The following PITPNA variants were observed in gnomAD, a reference collection of about 807,000 sequenced individuals.
PITPNA encodes the protein phosphatidylinositol transfer protein alpha, also known as phosphatidylinositol transfer protein alpha isoform.
In PITPNA, 13 loss-of-function variants were observed where a neutral mutation model predicts 50.3. That is an observed-to-expected ratio of 0.26 (90% CI 0.17 to 0.41). PITPNA has a LOEUF of 0.41. Ranked by LOEUF, PITPNA falls within the 10% of genes least tolerant of loss-of-function variation. The pLI is 1.00. For missense variants in PITPNA, 207 were observed against 333.4 expected, an observed-to-expected ratio of 0.62 and a Z score of 2.95; for synonymous variants, 120 against 119.6, an observed-to-expected ratio of 1.00 and a Z score of -0.02.
At chr17:1,559,305 T>C (rs1488207853) in intron 1 of PITPNA, among the ~76,000 whole-genome samples, 1 of 152,210 alleles carries the variant, frequency 6.6e-6, no homozygotes, top group Non-Finnish European at 1.5e-5. Context: ...TCCAACTCAA[T>C]GACCACCAAT....
At chr17:1,557,443 T>C (rs943285862) in intron 2 of PITPNA, among the ~76,000 whole-genome samples, 6 of 152,286 alleles carry the variant, frequency 3.9e-5, no homozygotes, top group South Asian at 2.1e-4. Context: ...GCCCAGTGAC[T>C]GGAGGCACTA....
rs751616112 is a variant in PITPNA, at chr17:1,535,244, G to A, written c.583C>T (p.Leu195=). Residue 195 remains leucine, a synonymous_variant, in exon 9 of 12, where the codon CTG becomes TTG. Coordinates refer to ENST00000313486, the MANE Select transcript of PITPNA (RefSeq NM_006224.4). ...KDCPYMCAYK[L]VTVKFKWWGL... ...CACCACTTGAACTTGACGGTCACCA[G>A]TTTGTATGCACACATATATGGGCAG... is the stretch of plus-strand genomic sequence containing the variant. The A allele has an allele frequency of 2.5e-6, 4 of 1,613,784 alleles. No individual in the cohort carries two copies. The South Asian group carries it at 3.3e-5, about 13-fold the overall frequency.
At chr17:1,553,449 C>T (rs984629308) in intron 2 of PITPNA, among the ~76,000 whole-genome samples, 1 of 151,974 alleles carries the variant, frequency 6.6e-6, no homozygotes, top group Admixed American at 6.6e-5. Flanking sequence ...CTATGTTGCC[C>T]AGGCTGGTCT....
chr17:1,522,964 T>C (rs2151001407), intron 10 of PITPNA, among the ~76,000 whole-genome samples: 1 of 152,114 alleles, frequency 6.6e-6, no homozygotes, highest in East Asian at 1.9e-4. Context: ...CCCGGCAGAG[T>C]AACAGAACTT....
chr17:1,533,500 A>C (rs560734470), intron 10 of PITPNA, among the ~76,000 whole-genome samples: 60 of 152,242 alleles, frequency 3.9e-4, no homozygotes, highest in African/African-American at 1.4e-3. Context: ...ACTAACTGAC[A>C]ATCTCCTCTG....
chr17:1,531,305 C>A (rs2075581473), intron 10 of PITPNA, among the ~76,000 whole-genome samples: 1 of 152,056 alleles, frequency 6.6e-6, no homozygotes. Flanking sequence ...GAAAAAAAGA[C>A]TCGAAGTCCT....
intron 2 of PITPNA, 56 bp downstream of exon 2, chr17:1,558,473 G>A: frequency 1.8e-6 from 2 of 1,109,768 alleles, no homozygotes; most frequent in South Asian, 2.5e-5. Flanking sequence ...GCCCAGCTTA[G>A]CCAATGGTCA....
At chr17:1,523,484 G>A (rs1051210155) in intron 10 of PITPNA, among the ~76,000 whole-genome samples, 2 of 150,862 alleles carry the variant, frequency 1.3e-5, no homozygotes, top group African/African-American at 4.9e-5. Flanking sequence ...TGGGACTACA[G>A]GCATGTGCCA....
intron 7 of PITPNA, among the ~76,000 whole-genome samples, chr17:1,537,818 T>TGA (rs1191578148): frequency 6.6e-6 from 1 of 152,076 alleles, no homozygotes; most frequent in African/African-American, 2.4e-5. Flanking sequence ...TGTGTGTGTG[T>TGA]GAGATGGAGT....
At chr17:1,545,525 G>C (rs1488460470) in intron 4 of PITPNA, among the ~76,000 whole-genome samples, 1 of 152,180 alleles carries the variant, frequency 6.6e-6, no homozygotes, top group East Asian at 1.9e-4. Flanking sequence ...TGAATAGGAG[G>C]TCAGCACCCA....
chr17:1,552,814 A>T (rs1186944052), intron 3 of PITPNA, among the ~76,000 whole-genome samples, 190 bp downstream of exon 3: 1 of 152,228 alleles, frequency 6.6e-6, no homozygotes, highest in Non-Finnish European at 1.5e-5. Context: ...GATAAGTAAC[A>T]ACAAAAAAGG....
chr17:1,547,557 C>T (rs765716726), intron 4 of PITPNA, among the ~76,000 whole-genome samples: 29 of 151,342 alleles, frequency 1.9e-4, no homozygotes, highest in Non-Finnish European at 3.8e-4. Context: ...GGCTGGGGCA[C>T]GAGAATCGCT....
intron 2 of PITPNA, among the ~76,000 whole-genome samples, chr17:1,558,178 C>T (rs1018248018): frequency 7.2e-6 from 1 of 139,658 alleles, no homozygotes; most frequent in Non-Finnish European, 1.5e-5. Flanking sequence ...TTGCAGTGAG[C>T]GGAGATCGCA....
chr17:1,535,312 A>T lies in PITPNA; in HGVS notation c.535-20T>A. The T allele has an allele frequency of 6.4e-7, 1 of 1,566,260 alleles. No individual in the cohort carries two copies. Among genetic ancestry groups the T allele is most frequent in the South Asian group, 1.1e-5 (1 of 90,084 alleles). ...CTCTTGCTGCATTAGAAACATACCC[A>T]TGGGTACGCAAGTAACAACGGGCAG... is the stretch of plus-strand genomic sequence containing the variant. On this transcript the variant is annotated intron_variant, in intron 8 of 11. Transcript: ENST00000313486.
In PITPNA at chr17:1,562,659, T is replaced by C; in HGVS notation, c.-99A>G. 2.3e-6 allele frequency: 2 copies of C among 852,286 alleles called. No homozygotes were observed. The highest frequency in any genetic ancestry group is 3.6e-5 in the African/African-American group (2 of 55,316). The allele number at this position is 852,286 out of a possible 1,614,324, so 52.8% of individuals were successfully genotyped here. A position where few individuals can be genotyped will look rare whatever the true frequency, so the allele number is the denominator to read the frequency against. On this transcript the variant is annotated 5_prime_UTR_variant, in exon 1 of 12. Coordinates refer to ENST00000313486, the MANE Select transcript of PITPNA (RefSeq NM_006224.4). The surrounding 1 kb of genome is among the most constrained non-coding windows in gnomAD (Gnocchi z 6.4). Reference sequence around the variant, plus strand: ...TGGCCCGGCCCGGCCCGGCTGCCTGTGCGTCTTCGTCGTGCTCTGCTCCGT... The same window carrying C: ...TGGCCCGGCCCGGCCCGGCTGCCTGCGCGTCTTCGTCGTGCTCTGCTCCGT...
rs545622405 is a variant in PITPNA at position 1,531,739 on chromosome 17, A to G, written c.768+2360T>C. On this transcript the variant is annotated intron_variant, in intron 10 of 11. Coordinates refer to ENST00000313486, the MANE Select transcript of PITPNA (RefSeq NM_006224.4). ...ATGGAAGTAATTAACAAAAGCAACA[A>G]CCATCGGAATTACAAGGGGCTGCTT... Among the ~76,000 whole-genome samples the G allele has an allele frequency of 3.3e-5, 5 of 152,146 alleles. No individual in the cohort carries two copies. In the South Asian group the frequency reaches 1.0e-3, roughly 32 times the overall value.
intron 10 of PITPNA, among the ~76,000 whole-genome samples, chr17:1,533,654 A>G (rs2075597333): frequency 6.6e-6 from 1 of 152,182 alleles, no homozygotes. Context: ...CAACTCTGAT[A>G]GCTCAAAATG....
At position 1,562,512 on chromosome 17, in the gene PITPNA, C is replaced by G; in HGVS notation, c.20+29G>C. The G allele has an allele frequency of 7.0e-7, 1 of 1,430,526 alleles. No homozygotes were observed. The highest frequency in any genetic ancestry group is 3.0e-5 in the East Asian group (1 of 33,158). 88.6% of individuals were successfully genotyped at this position (1,430,526 alleles called of 1,614,324 possible). On this transcript the variant is annotated intron_variant, in intron 1 of 11. Coordinates refer to ENST00000313486, the MANE Select transcript of PITPNA (RefSeq NM_006224.4). The surrounding 1 kb of genome is among the most constrained non-coding windows in gnomAD (Gnocchi z 6.4). ...CGGCCGTCCCCACCCTCCCTCCTCCCCGCTTCCGCACGGCCGCCGGACACT... is the reference window on the plus strand; with the variant it reads ...CGGCCGTCCCCACCCTCCCTCCTCCGCGCTTCCGCACGGCCGCCGGACACT...
chr17:1,550,782 C>G (rs2075704019), intron 3 of PITPNA, among the ~76,000 whole-genome samples: 1 of 152,164 alleles, frequency 6.6e-6, no homozygotes, highest in Non-Finnish European at 1.5e-5. Flanking sequence ...ACAGCACGGA[C>G]TTCGTCCTGA....
Sources: gnomAD v4.1 joint callset for allele counts (sites outside exome capture counted in the v4.1 genomes callset) on GRCh38, gnomAD v4.1.1 for gene constraint, Gnocchi (gnomAD v3.1) non-coding constraint, MANE v1.5 for transcripts, NCBI Gene and HGNC (gene_info 2026-07-23, HGNC 2026-07-21) for gene names.